The following HAT1 variants were observed in gnomAD, a reference collection of about 807,000 sequenced individuals.
HAT1 encodes the protein histone acetyltransferase 1, also known as histone acetyltransferase type B catalytic subunit.
In HAT1, 20 loss-of-function variants were observed where a neutral mutation model predicts 56.6. The observed-to-expected ratio is 0.35, with a 90% CI of 0.25 to 0.51. The LOEUF (loss-of-function observed/expected upper bound fraction) is 0.51, where lower values mean the gene tolerates loss of function less well. Ranked by LOEUF, HAT1 falls within the 20% of genes least tolerant of loss-of-function variation. The probability of loss-of-function intolerance (pLI) is 0.95; values close to 1 mark genes in which losing one functional copy is unlikely to be tolerated. For missense variants in HAT1, 408 were observed against 504.3 expected (o/e 0.81, Z 1.83); for synonymous variants, 146 against 165.5 (o/e 0.88, Z 0.91).
intron 2 of HAT1, among the ~76,000 whole-genome samples, chr2:171,931,673 CG>C (rs893743291): frequency 1.3e-5 from 2 of 151,714 alleles, no homozygotes; most frequent in Admixed American, 6.6e-5. Flanking sequence ...GACTGTGTCT[CG>C]GGGGGGAAAA....
At chr2:171,923,536 A>G (rs893722146) in intron 1 of HAT1, 3 of 152,236 alleles carry the variant, frequency 2.0e-5, no homozygotes, top group African/African-American at 7.2e-5. Flanking sequence ...TCAGCTTCCC[A>G]AAGTGTTGGA....
rs545373830 is a variant in HAT1 at position 171,954,107 on chromosome 2, A to G, written c.309+1106A>G. Among the ~76,000 whole-genome samples the G allele has an allele frequency of 5.9e-5, 9 of 152,326 alleles. No individual in the cohort carries two copies. The South Asian group carries it at 1.9e-3, about 32-fold the overall frequency. On this transcript the variant is annotated intron_variant, in intron 4 of 10. Coordinates refer to ENST00000264108, the MANE Select transcript of HAT1 (RefSeq NM_003642.4). ...ATCATGATCCTGTTCTGTTTCCTGC[A>G]TGGACCTTCTTCATAAAAATCTTTG...
intron 2 of HAT1, among the ~76,000 whole-genome samples, chr2:171,939,040 T>C (rs2357208): frequency 0.18 from 27,877 of 151,970 alleles, 3,688 homozygotes; most frequent in African/African-American, 0.37. Context: ...CAGGCCCGGC[T>C]TCAAACACAC....
intron 10 of HAT1, among the ~76,000 whole-genome samples, chr2:171,981,948 T>A (rs1277281534): frequency 1.3e-5 from 2 of 152,150 alleles, no homozygotes; most frequent in African/African-American, 2.4e-5. Context: ...TGGCAACATT[T>A]AAGAGTTATT....
Position 171,961,731 on chromosome 2 carries a change from C to G in HAT1, c.310-3607C>G, listed in dbSNP as rs1046607372. 5.3e-5 allele frequency among the ~76,000 whole-genome samples: 8 copies of G among 152,226 alleles called. No homozygotes were observed. In the East Asian group the frequency reaches 1.5e-3, roughly 29 times the overall value. ...CTTGTTTAGTTCAAGTAGCAAAATA[C>G]TAATGCAGTGTAAATAAACATAATA... On this transcript the variant is annotated intron_variant, in intron 4 of 10. Transcript: ENST00000264108.
intron 3 of HAT1, among the ~76,000 whole-genome samples, chr2:171,948,989 T>C (rs1687236928): frequency 6.6e-6 from 1 of 152,190 alleles, no homozygotes; most frequent in Non-Finnish European, 1.5e-5. Flanking sequence ...TGTAGGGAGA[T>C]ACTGTGAGAC....
intron 4 of HAT1, among the ~76,000 whole-genome samples, chr2:171,958,597 G>A (rs556256094): frequency 6.6e-6 from 1 of 152,082 alleles, no homozygotes; most frequent in African/African-American, 2.4e-5. Flanking sequence ...CTTCTCCTGT[G>A]TTTTATGCCA....
At chr2:171,948,797 G>A (rs1168498679) in intron 3 of HAT1, among the ~76,000 whole-genome samples, 2 of 152,128 alleles carry the variant, frequency 1.3e-5, no homozygotes, top group Non-Finnish European at 2.9e-5. Context: ...CTCAGATAAT[G>A]CATATTTTTG....
At chr2:171,938,061 TCTC>T (rs1686920183) in intron 2 of HAT1, among the ~76,000 whole-genome samples, 3 of 147,780 alleles carry the variant, frequency 2.0e-5, no homozygotes, top group African/African-American at 7.7e-5. Context: ...TCTCTCTCTC[TCTC>T]TCTCTCTCTC....
chr2:171,940,781 A>C (rs1687000678), intron 2 of HAT1, among the ~76,000 whole-genome samples: 1 of 152,162 alleles, frequency 6.6e-6, no homozygotes, highest in African/African-American at 2.4e-5. Context: ...GGAGAATGTG[A>C]ATCACCTGTT....
chr2:171,966,247 A>G, intron 6 of HAT1, 162 bp from the exon 7 acceptor site: 6 of 644,952 alleles, frequency 9.3e-6, no homozygotes, highest in South Asian at 6.9e-5. Flanking sequence ...CTGCACACCA[A>G]TTAAGTGAAT....
intron 2 of HAT1, among the ~76,000 whole-genome samples, chr2:171,932,095 C>G (rs1476092502): frequency 6.6e-6 from 1 of 152,058 alleles, no homozygotes; most frequent in African/African-American, 2.4e-5. Flanking sequence ...TCCTTTAATT[C>G]TGATAATGTG....
intron 3 of HAT1, among the ~76,000 whole-genome samples, chr2:171,947,865 C>T (rs373393557): frequency 1.3e-5 from 2 of 152,196 alleles, no homozygotes; most frequent in South Asian, 4.1e-4. Context: ...TGCGACAGAG[C>T]GAGACTGTCT....
intron 10 of HAT1, among the ~76,000 whole-genome samples, chr2:171,982,684 A>T (rs1688162928): frequency 6.6e-6 from 1 of 152,264 alleles, no homozygotes; most frequent in Non-Finnish European, 1.5e-5. Flanking sequence ...TTTAAAGTAT[A>T]GCAGTTTTCC....
Position 171,925,620 on chromosome 2 carries a change from A to T in HAT1, c.91A>T (p.Thr31Ser). The change falls in exon 2 of 11, where the codon ACA (threonine) becomes TCA (serine). Residue 31 changes from threonine to serine, a missense_variant. Thr to Ser is a moderately conservative substitution (Grantham distance 58). Coordinates refer to ENST00000264108, the MANE Select transcript of HAT1 (RefSeq NM_003642.4). ...GGCAGAGTACAAATGTAACACCAAC[A>T]CAGCAATTGAACTAAAATTAGGTAT... ...KLAEYKCNTN[T>S]AIELKLVRFP... 6.6e-7 allele frequency: 1 copy of T among 1,506,302 alleles called. No individual in the cohort carries two copies. The highest frequency in any genetic ancestry group is 9.2e-7 in the Non-Finnish European group (1 of 1,081,876). The allele number at this position is 1,506,302 out of a possible 1,614,324, so 93.3% of individuals were successfully genotyped here. A position where few individuals can be genotyped will look rare whatever the true frequency, so the allele number is the denominator to read the frequency against.
At chr2:171,977,085 T>C (rs1204491355) in intron 9 of HAT1, among the ~76,000 whole-genome samples, 1 of 152,014 alleles carries the variant, frequency 6.6e-6, no homozygotes, top group Non-Finnish European at 1.5e-5. Flanking sequence ...GGCAGGAGAA[T>C]TGCTTGAACC....
At position 171,945,492 on chromosome 2, in the gene HAT1, T is replaced by G. The variant is rs79904427; in HGVS notation, c.113-1216T>G. ...GGCACTTTAGCTAGCTAGCTAGCTA[T>G]CTATAATTTTTTTTTTTTTTTTTTT... On this transcript the variant is annotated intron_variant, in intron 2 of 10. Transcript: ENST00000264108. Among the ~76,000 whole-genome samples the G allele has an allele frequency of 3.1e-3, 414 of 134,172 alleles. 12 individuals are homozygous for G. The East Asian group carries it at 0.034, about 11-fold the overall frequency. The allele number at this position is 134,172 out of a possible 152,430, so 88.0% of individuals were successfully genotyped here. A position where few individuals can be genotyped will look rare whatever the true frequency, so the allele number is the denominator to read the frequency against.
intron 4 of HAT1, among the ~76,000 whole-genome samples, chr2:171,961,063 A>G (rs965535819): frequency 6.6e-6 from 1 of 151,908 alleles, no homozygotes; most frequent in African/African-American, 2.4e-5. Flanking sequence ...AATCACTTGA[A>G]CTCGGGAAGT....
At chr2:171,967,406 A>G (rs1687708179) in intron 8 of HAT1, among the ~76,000 whole-genome samples, 1 of 152,198 alleles carries the variant, frequency 6.6e-6, no homozygotes, top group Non-Finnish European at 1.5e-5. Flanking sequence ...CCTAAAATGC[A>G]TGCCTTCACA....
Sources: gnomAD v4.1 joint callset for allele counts (sites outside exome capture counted in the v4.1 genomes callset) on GRCh38, gnomAD v4.1.1 for gene constraint, MANE v1.5 for transcripts, NCBI Gene and HGNC (gene_info 2026-07-23, HGNC 2026-07-21) for gene names.